Variants in COL4A1 observed in about 807,000 individuals in gnomAD.
The protein encoded by COL4A1 is collagen alpha-1(IV) chain.
Under a neutral mutation model 216.6 loss-of-function variants are expected in COL4A1, and 40 were observed. That is an observed-to-expected ratio of 0.18 (90% CI 0.14 to 0.24). The LOEUF (loss-of-function observed/expected upper bound fraction) is 0.24. COL4A1 is among the 10% of genes least tolerant of loss of function. COL4A1 has a pLI of 1.00. For synonymous variants in COL4A1, 839 were observed against 810.7 expected (o/e 1.03, Z -0.59); for missense variants, 1,628 against 2,196.8 (o/e 0.74, Z 5.18).
At position 110,263,573 on chromosome 13, in the gene COL4A1, C is replaced by A. The variant is rs1248474313; in HGVS notation, c.85-20839G>T. On this transcript the variant is annotated intron_variant, in intron 1 of 51. Coordinates refer to ENST00000375820, the MANE Select transcript of COL4A1 (RefSeq NM_001845.6). The stretch of plus-strand genomic sequence containing the variant: ...GACTCATGCGATCCTCCTGCCCCAG[C>A]CTCCCAAGAAGCTGGGACCACAGGC... 3.3e-5 allele frequency among the ~76,000 whole-genome samples: 5 copies of A among 152,302 alleles called. No individual in the cohort carries two copies. In the East Asian group the frequency reaches 7.7e-4, roughly 24 times the overall value.
intron 2 of COL4A1, among the ~76,000 whole-genome samples, chr13:110,233,398 G>A (rs1260717435): frequency 6.6e-6 from 1 of 152,204 alleles, no homozygotes; most frequent in Non-Finnish European, 1.5e-5. Context: ...AACGGGAGGG[G>A]AGGGAAGACA....
chr13:110,208,229 T>C (rs1242836730), intron 12 of COL4A1, among the ~76,000 whole-genome samples: 1 of 152,190 alleles, frequency 6.6e-6, no homozygotes, highest in Non-Finnish European at 1.5e-5. Context: ...ACTTGCCTCC[T>C]CTCTGCAGGA....
intron 1 of COL4A1, among the ~76,000 whole-genome samples, chr13:110,262,014 A>C (rs1202232998): frequency 6.6e-6 from 1 of 152,094 alleles, no homozygotes; most frequent in East Asian, 1.9e-4. Flanking sequence ...ATTTAAAGGG[A>C]ATTTAGAAAC....
At chr13:110,158,630 T>A (rs930851371) in intron 49 of COL4A1, among the ~76,000 whole-genome samples, 14 of 152,356 alleles carry the variant, frequency 9.2e-5, no homozygotes, top group African/African-American at 3.1e-4. Flanking sequence ...TATCTTTTTT[T>A]ATCATTATCT....
At chr13:110,253,953 G>A (rs956968562) in intron 1 of COL4A1, among the ~76,000 whole-genome samples, 17 of 151,754 alleles carry the variant, frequency 1.1e-4, no homozygotes, top group Admixed American at 7.2e-4. Flanking sequence ...AAAGAAATGC[G>A]CTACAGGTTG....
Position 110,192,875 on chromosome 13 carries a change from C to T in COL4A1, c.1420G>A (p.Gly474Arg), listed in dbSNP as rs752346924. The change falls in exon 23 of 52, where the codon GGA becomes AGA. Residue 474 changes from glycine (G) to arginine (R), a missense_variant. By Grantham distance (125) the Gly-to-Arg change is moderately radical. Around this residue, in one of 8 missense-constraint regions of COL4A1, gnomAD observed 701 missense variants for 892.5 expected, o/e 0.79. Transcript: ENST00000375820. ...GESCLICDIDGYRGPPGPQGP... is the reference protein window; with the variant it reads ...GESCLICDIDRYRGPPGPQGP... ...TGTGGCCCGGGAGGCCCCCGATATCCGTCTATATCACAGATGAGGCAACTC... is the reference window on the plus strand; with the variant it reads ...TGTGGCCCGGGAGGCCCCCGATATCTGTCTATATCACAGATGAGGCAACTC... The T allele has an allele frequency of 4.6e-5, 74 of 1,613,946 alleles. No homozygotes were observed. Among genetic ancestry groups the T allele is most frequent in the South Asian group, 1.9e-4 (17 of 91,082 alleles).
intron 2 of COL4A1, among the ~76,000 whole-genome samples, chr13:110,237,930 T>G (rs1247996570): frequency 6.6e-6 from 1 of 152,254 alleles, no homozygotes; most frequent in Non-Finnish European, 1.5e-5. Flanking sequence ...CCAGATTTCC[T>G]GGGCCAGCAA....
chr13:110,231,178 T>A (rs1214552752), intron 2 of COL4A1, among the ~76,000 whole-genome samples: 1 of 152,126 alleles, frequency 6.6e-6, no homozygotes, highest in Non-Finnish European at 1.5e-5. Flanking sequence ...GCCCAGGACA[T>A]ATCGATGAGA....
In COL4A1 at chr13:110,307,130, C is replaced by T. The variant is rs538721412; in HGVS notation, c.-103G>A. The stretch of plus-strand genomic sequence containing the variant: ...GGACTTCCAGCGCTACGCACCGTCC[C>T]GGGTGCGGCGGCTCCAAGCGGAGAC... On this transcript the variant is annotated 5_prime_UTR_variant, in exon 1 of 52. Coordinates refer to ENST00000375820, the MANE Select transcript of COL4A1 (RefSeq NM_001845.6). The surrounding 1 kb of genome is among the most constrained non-coding windows in gnomAD (Gnocchi z 5.0). 3.6e-3 allele frequency: 3,352 copies of T among 931,750 alleles called. 16 individuals carry two copies. The highest frequency in any genetic ancestry group is 4.2e-3 in the Non-Finnish European group (2,870 of 680,734). 57.7% of individuals were successfully genotyped at this position (931,750 alleles called of 1,614,324 possible).
chr13:110,157,064 C>A (rs1390144320), intron 49 of COL4A1, among the ~76,000 whole-genome samples: 15 of 152,168 alleles, frequency 9.9e-5, no homozygotes, highest in Admixed American at 8.5e-4. Flanking sequence ...TTCAGACTGT[C>A]TCTGGGCTGA....
intron 2 of COL4A1, among the ~76,000 whole-genome samples, chr13:110,230,126 G>A (rs1335862630): frequency 0.016 from 24 of 1,544 alleles, no homozygotes; most frequent in Admixed American, 0.08. Flanking sequence ...GCCACGTGGT[G>A]GAGGGGGAGG....
chr13:110,193,097 C>A (rs556717342), intron 22 of COL4A1, among the ~76,000 whole-genome samples, 184 bp from the exon 23 acceptor site: 1 of 152,332 alleles, frequency 6.6e-6, no homozygotes, highest in Admixed American at 6.5e-5. Flanking sequence ...GTCAAACGCA[C>A]GTCCCTGTCT....
At chr13:110,305,038 G>A (rs181377531) in intron 1 of COL4A1, among the ~76,000 whole-genome samples, 54 of 152,342 alleles carry the variant, frequency 3.5e-4, no homozygotes, top group African/African-American at 1.2e-3. Context: ...TTGATGGCAT[G>A]AAAAGTGAGA....
intron 44 of COL4A1, 44 bp downstream of exon 44, chr13:110,167,114 T>TCTG (rs771104051): frequency 6.5e-7 from 1 of 1,547,462 alleles, no homozygotes; most frequent in Non-Finnish European, 8.9e-7. Flanking sequence ...TCACACAGCG[T>TCTG]CTGCTGCTGC....
intron 1 of COL4A1, among the ~76,000 whole-genome samples, chr13:110,285,449 A>G (rs1396012093): frequency 2.0e-5 from 3 of 152,306 alleles, no homozygotes; most frequent in Non-Finnish European, 4.4e-5. Context: ...CAGTGGAAAT[A>G]CTACCACTCA....
At chr13:110,279,536 C>G (rs566741218) in intron 1 of COL4A1, among the ~76,000 whole-genome samples, 1 of 152,148 alleles carries the variant, frequency 6.6e-6, no homozygotes, top group Admixed American at 6.5e-5. Context: ...CACATTCAAT[C>G]TATTCTTTTG....
chr13:110,195,175 A>G (rs1028725684), intron 21 of COL4A1, 57 bp from the exon 22 acceptor site: 1 of 1,436,276 alleles, frequency 7.0e-7, no homozygotes, highest in East Asian at 2.3e-5. Flanking sequence ...ACCCTCTCCT[A>G]ACTCAACCTC....
At position 110,212,400 on chromosome 13, in the gene COL4A1, C is replaced by T; in HGVS notation, c.387+17G>A. On this transcript the variant is annotated intron_variant, in intron 6 of 51. Coordinates refer to ENST00000375820, the MANE Select transcript of COL4A1 (RefSeq NM_001845.6). ...CGTAAACACACACAAAAAGGAGGGT[C>T]TCGGTTCTGGATTTACCTTTGTGCC... The T allele has an allele frequency of 6.2e-7, 1 of 1,613,006 alleles. No individual in the cohort carries two copies. The highest frequency in any genetic ancestry group is 8.5e-7 in the Non-Finnish European group (1 of 1,179,922).
At chr13:110,167,040 A>G in intron 44 of COL4A1, 118 bp downstream of exon 44, 1 of 839,102 alleles carries the variant, frequency 1.2e-6, no homozygotes, top group Non-Finnish European at 2.1e-6. Context: ...TGAAGAGAAC[A>G]GTATCTCGTG....
Sources: allele counts gnomAD v4.1 joint callset (sites outside exome capture counted in the v4.1 genomes callset), GRCh38; gene constraint gnomAD v4.1.1; regional missense constraint gnomAD v4.1.1; non-coding constraint Gnocchi (gnomAD v3.1); transcripts MANE v1.5; gene names NCBI Gene and HGNC (gene_info 2026-07-23, HGNC 2026-07-21).